ITGBL1: variants seen among roughly 807,000 people sequenced by gnomAD.
ITGBL1 encodes integrin subunit beta like 1, also known as integrin beta-like protein 1.
A neutral mutation model predicts 68.5 loss-of-function variants in ITGBL1; 51 were observed. The observed-to-expected ratio is 0.74, with a 90% confidence interval of 0.59 to 0.94. The LOEUF is 0.94. ITGBL1 is among the 40% of genes least tolerant of loss of function. The pLI, the probability that ITGBL1 is intolerant of heterozygous loss-of-function variation, is 0.00. For missense variants in ITGBL1, 649 were observed against 647.4 expected (o/e 1.00, Z -0.03); for synonymous variants, 209 against 227.3 (o/e 0.92, Z 0.72).
At chr13:101,471,066 A>T (rs2139642378) in intron 2 of ITGBL1, among the ~76,000 whole-genome samples, 1 of 152,350 alleles carries the variant, frequency 6.6e-6, no homozygotes, top group Middle Eastern at 3.4e-3. Context: ...AAATGCCCCA[A>T]GAAGTATTAA....
chr13:101,502,733 A>G (rs1377723365), intron 2 of ITGBL1, among the ~76,000 whole-genome samples: 2 of 152,204 alleles, frequency 1.3e-5, no homozygotes, highest in South Asian at 2.1e-4. Flanking sequence ...ATGATTATAC[A>G]TTATCCAAAC....
chr13:101,486,942 A>G (rs1313932422), intron 2 of ITGBL1, among the ~76,000 whole-genome samples: 1 of 148,322 alleles, frequency 6.7e-6, no homozygotes, highest in Non-Finnish European at 1.5e-5. Context: ...AGATTGCATC[A>G]GCCAAATGGG....
intron 7 of ITGBL1, among the ~76,000 whole-genome samples, chr13:101,640,895 A>G (rs192400795): frequency 6.6e-6 from 1 of 152,190 alleles, no homozygotes; most frequent in Non-Finnish European, 1.5e-5. Context: ...TAGCATGTCA[A>G]GTACTCCAGT....
At chr13:101,567,320 T>A (rs746866938) in intron 2 of ITGBL1, among the ~76,000 whole-genome samples, 2 of 152,122 alleles carry the variant, frequency 1.3e-5, no homozygotes, top group Non-Finnish European at 2.9e-5. Flanking sequence ...GGTTTGTGGT[T>A]TAATGTGTTA....
At chr13:101,552,431 A>G (rs2049936212) in intron 2 of ITGBL1, among the ~76,000 whole-genome samples, 1 of 152,172 alleles carries the variant, frequency 6.6e-6, no homozygotes, top group Admixed American at 6.5e-5. Flanking sequence ...ACGAGTTATG[A>G]AGTTTTTAAG....
chr13:101,617,702 A>G (rs958413720), intron 7 of ITGBL1, among the ~76,000 whole-genome samples: 4 of 152,188 alleles, frequency 2.6e-5, no homozygotes, highest in African/African-American at 9.6e-5. Context: ...CTAACCTAAT[A>G]TTTAGCCAGT....
At chr13:101,571,907 G>T (rs1243920022) in intron 3 of ITGBL1, among the ~76,000 whole-genome samples, 1 of 151,990 alleles carries the variant, frequency 6.6e-6, no homozygotes, top group Non-Finnish European at 1.5e-5. Context: ...AAGCTCTTAT[G>T]CTTGAGCATT....
At chr13:101,471,516 GTGTGTGTGTGTATGTA>G (rs1269486471) in intron 2 of ITGBL1, among the ~76,000 whole-genome samples, 6 of 114,592 alleles carry the variant, frequency 5.2e-5, no homozygotes, top group East Asian at 4.2e-4. Context: ...ATATATGTGT[GTGTGTGTGTGTATGTA>G]TGTGTGTGTG....
chr13:101,494,158 G>T (rs758903974), intron 2 of ITGBL1, among the ~76,000 whole-genome samples: 1 of 152,098 alleles, frequency 6.6e-6, no homozygotes, highest in Non-Finnish European at 1.5e-5. Flanking sequence ...GCAAACAGGG[G>T]ATTTAGAGGT....
chr13:101,464,755 T>A (rs2048361241), intron 2 of ITGBL1, among the ~76,000 whole-genome samples: 1 of 152,170 alleles, frequency 6.6e-6, no homozygotes, highest in South Asian at 2.1e-4. Context: ...TATGTAAGTA[T>A]GTGCACAAAC....
intron 7 of ITGBL1, among the ~76,000 whole-genome samples, chr13:101,629,016 A>G (rs1252006663): frequency 6.6e-6 from 1 of 152,094 alleles, no homozygotes; most frequent in African/African-American, 2.4e-5. Flanking sequence ...ATGACTTCAC[A>G]TATTCCTTAA....
At chr13:101,638,004 C>G (rs1566769103) in intron 7 of ITGBL1, among the ~76,000 whole-genome samples, 2 of 152,196 alleles carry the variant, frequency 1.3e-5, no homozygotes, top group East Asian at 3.9e-4. Flanking sequence ...TCCTGTTACA[C>G]TATAAAATAT....
chr13:101,532,024 G>C (rs1026630296), intron 2 of ITGBL1, among the ~76,000 whole-genome samples: 1 of 151,900 alleles, frequency 6.6e-6, no homozygotes, highest in African/African-American at 2.4e-5. Flanking sequence ...GTGAGCCACC[G>C]CGCCCGGCCA....
chr13:101,603,368 TGGAGGAGTAGGA>T (rs2030507984), intron 7 of ITGBL1, among the ~76,000 whole-genome samples: 1 of 151,844 alleles, frequency 6.6e-6, no homozygotes, highest in Admixed American at 6.6e-5. Context: ...AGTAGAAGAG[TGGAGGAGTAGGA>T]TATGGGTATA....
chr13:101,667,465 C>A (rs1187131696), intron 7 of ITGBL1, among the ~76,000 whole-genome samples: 1 of 149,338 alleles, frequency 6.7e-6, no homozygotes, highest in Non-Finnish European at 1.5e-5. Context: ...AATCCTTAAT[C>A]TAATTTAACA....
intron 2 of ITGBL1, among the ~76,000 whole-genome samples, chr13:101,564,935 TC>T (rs2050160325): frequency 6.6e-6 from 1 of 152,062 alleles, no homozygotes; most frequent in African/African-American, 2.4e-5. Flanking sequence ...ATATGCAGTA[TC>T]ATCAGAGCAG....
intron 2 of ITGBL1, among the ~76,000 whole-genome samples, chr13:101,463,750 A>T (rs956423992): frequency 1.3e-5 from 2 of 151,976 alleles, no homozygotes; most frequent in Non-Finnish European, 2.9e-5. Flanking sequence ...GCAAAACTGC[A>T]GAAAGCAACA....
intron 2 of ITGBL1, among the ~76,000 whole-genome samples, chr13:101,520,185 AT>A (rs1409895609): frequency 6.6e-5 from 10 of 152,222 alleles, no homozygotes; most frequent in Admixed American, 3.9e-4. Context: ...CCATAAAAAA[AT>A]AATATGAAAG....
chr13:101,622,887 G>A lies in ITGBL1; in HGVS notation c.1015+24588G>A, dbSNP rs147772235. On this transcript the variant is annotated intron_variant, in intron 7 of 10. Transcript: ENST00000376180. The stretch of plus-strand genomic sequence containing the variant: ...GGGAAAAGAAAATTGAATCTGAAAT[G>A]AGGCTGGGATGTGTGTGTGGGGTAT... Among the ~76,000 whole-genome samples, 3 of 150,106 alleles carry A rather than the reference G, an allele frequency of 2.0e-5. No homozygotes were observed. In the East Asian group the frequency reaches 5.9e-4, roughly 30 times the overall value.
Sources: allele counts gnomAD v4.1 joint callset (sites outside exome capture counted in the v4.1 genomes callset), GRCh38; gene constraint gnomAD v4.1.1; transcripts MANE v1.5; gene names NCBI Gene and HGNC (gene_info 2026-07-23, HGNC 2026-07-21).